The following ROR1 variants were observed in gnomAD, a reference collection of about 807,000 sequenced individuals.
The protein encoded by ROR1 is ROR family WNT receptor 1.
In ROR1, 19 loss-of-function variants were observed where a neutral mutation model predicts 78.8. The observed-to-expected ratio is 0.24, with a 90% CI of 0.17 to 0.35. The LOEUF is 0.35. Among genes scored for constraint, ROR1 ranks in the 10% least tolerant of loss-of-function variants. ROR1 has a pLI of 1.00. For missense variants in ROR1, 917 were observed against 1,177.8 expected (o/e 0.78, Z 3.24); for synonymous variants, 386 against 433.6 (o/e 0.89, Z 1.36).
chr1:64,063,545 T>C (rs56027505), intron 4 of ROR1, among the ~76,000 whole-genome samples: 23,614 of 152,150 alleles, frequency 0.16, 2,751 homozygotes, highest in African/African-American at 0.33. Context: ...GACAATTTTA[T>C]CTAATTGCTC....
chr1:64,085,969 A>T lies in ROR1; in HGVS notation c.482+35253A>T, dbSNP rs572768990. On this transcript the variant is annotated intron_variant, in intron 4 of 8. Transcript: ENST00000371079. ...CGTTGGTTATCATGGCGGGAAAGAA[A>T]AACAGCCATCCATCCCTTATTCCCT... Among the ~76,000 whole-genome samples the T allele has an allele frequency of 3.3e-5, 5 of 152,184 alleles. No individual in the cohort carries two copies. The South Asian group carries it at 1.0e-3, about 32-fold the overall frequency.
chr1:64,142,850 A>G (rs970645178), intron 7 of ROR1, 200 bp downstream of exon 7: 72 of 1,407,978 alleles, frequency 5.1e-5, no homozygotes, highest in African/African-American at 3.5e-4. Context: ...CAAGAAGTCA[A>G]CTGCCTTTAT....
chr1:63,886,159 G>C (rs1645355747), intron 1 of ROR1, among the ~76,000 whole-genome samples: 1 of 152,172 alleles, frequency 6.6e-6, no homozygotes, highest in African/African-American at 2.4e-5. Flanking sequence ...TGGCTGATCT[G>C]ACAGGAAGTG....
In ROR1 at chr1:64,063,628, G is replaced by GTC. The variant is rs61262636; in HGVS notation, c.482+12927_482+12928dup. Among the ~76,000 whole-genome samples the GTC allele has an allele frequency of 2.7e-4, 41 of 150,520 alleles. 1 individual carries two copies. The East Asian group carries it at 4.1e-3, about 15-fold the overall frequency. On this transcript the variant is annotated intron_variant, in intron 4 of 8. Transcript: ENST00000371079. The stretch of plus-strand genomic sequence containing the variant: ...CTGTCCTCTCTATGTCTCTTTCTCT[G>GTC]TCTCTCTCTCTCTCTCCCATACACA...
chr1:63,998,661 G>A (rs924640009), intron 1 of ROR1, among the ~76,000 whole-genome samples: 7 of 152,152 alleles, frequency 4.6e-5, no homozygotes, highest in South Asian at 2.1e-4. Context: ...AGTTTAGAAC[G>A]TCTTAGACAA....
At chr1:64,034,408 C>T (rs1264088720) in intron 2 of ROR1, among the ~76,000 whole-genome samples, 1 of 152,078 alleles carries the variant, frequency 6.6e-6, no homozygotes, top group African/African-American at 2.4e-5. Context: ...TTGAATGTCT[C>T]ATTTGTGAAT....
chr1:64,118,067 A>T (rs993842255), intron 4 of ROR1, among the ~76,000 whole-genome samples: 3 of 152,048 alleles, frequency 2.0e-5, no homozygotes, highest in Non-Finnish European at 4.4e-5. Context: ...TGCTGGGTTT[A>T]GTGGTGGCAC....
intron 4 of ROR1, among the ~76,000 whole-genome samples, chr1:64,128,181 A>G (rs1648780338): frequency 6.8e-6 from 1 of 147,818 alleles, no homozygotes; most frequent in Admixed American, 6.9e-5. Flanking sequence ...GAGGCCAGGT[A>G]TGGTGGCTCA....
At chr1:63,821,695 G>A (rs1008141954) in intron 1 of ROR1, among the ~76,000 whole-genome samples, 1 of 152,160 alleles carries the variant, frequency 6.6e-6, no homozygotes, top group African/African-American at 2.4e-5. Context: ...AAGAAGCAGC[G>A]TTTGCAGTTA....
chr1:64,132,675 G>A (rs1489269562), intron 4 of ROR1, among the ~76,000 whole-genome samples: 2 of 145,110 alleles, frequency 1.4e-5, no homozygotes, highest in Non-Finnish European at 3.0e-5. Flanking sequence ...AAGGAGAATC[G>A]CTTGAACCCA....
intron 1 of ROR1, among the ~76,000 whole-genome samples, chr1:63,812,182 G>A (rs144335770): frequency 0.015 from 2,313 of 152,198 alleles, 53 homozygotes; most frequent in African/African-American, 0.053. Context: ...GGCTGGTCTC[G>A]AACTCCTGAC....
At chr1:63,847,546 G>T (rs940409817) in intron 1 of ROR1, among the ~76,000 whole-genome samples, 3 of 152,192 alleles carry the variant, frequency 2.0e-5, no homozygotes, top group Admixed American at 6.5e-5. Context: ...GGCAGAGGAC[G>T]TGGATGGTGC....
chr1:64,091,985 T>G lies in ROR1; in HGVS notation c.482+41269T>G, dbSNP rs1470709234. On this transcript the variant is annotated intron_variant, in intron 4 of 8. Transcript: ENST00000371079. ...ATTTTATTCAGTGAACAAATAGCCA[T>G]TTTGATATCATTTCTTCTCCCCTTT... Among the ~76,000 whole-genome samples, 8 of 152,236 alleles carry G rather than the reference T, an allele frequency of 5.3e-5. No individual in the cohort carries two copies. In the East Asian group the frequency reaches 1.5e-3, roughly 29 times the overall value.
At chr1:64,153,393 C>T (rs1016216151) in intron 7 of ROR1, among the ~76,000 whole-genome samples, 4 of 138,932 alleles carry the variant, frequency 2.9e-5, no homozygotes, top group Non-Finnish European at 4.8e-5. Flanking sequence ...GCAGCAATCC[C>T]ATTTCTGAGT....
intron 1 of ROR1, among the ~76,000 whole-genome samples, chr1:63,816,625 C>T (rs1644893617): frequency 6.6e-6 from 1 of 152,140 alleles, no homozygotes; most frequent in Admixed American, 6.5e-5. Flanking sequence ...ATGAGTTTCA[C>T]CAGCATGGGT....
chr1:64,026,489 G>C (rs537464512), intron 2 of ROR1, among the ~76,000 whole-genome samples: 29 of 152,152 alleles, frequency 1.9e-4, no homozygotes, highest in Non-Finnish European at 4.0e-4. Flanking sequence ...TGTGTATGCT[G>C]TATTCAAAGC....
chr1:63,903,368 C>G (rs1370016129), intron 1 of ROR1, among the ~76,000 whole-genome samples: 2 of 151,820 alleles, frequency 1.3e-5, no homozygotes, highest in East Asian at 3.9e-4. Flanking sequence ...CTTCCACTCC[C>G]ACTTGATGAT....
intron 1 of ROR1, among the ~76,000 whole-genome samples, chr1:63,962,847 C>T (rs918811884): frequency 6.6e-6 from 1 of 152,004 alleles, no homozygotes; most frequent in Non-Finnish European, 1.5e-5. Flanking sequence ...AGCAGGAGGC[C>T]GACTGGTAAC....
At chr1:63,850,111 A>C (rs1424008793) in intron 1 of ROR1, among the ~76,000 whole-genome samples, 1 of 152,218 alleles carries the variant, frequency 6.6e-6, no homozygotes, top group East Asian at 1.9e-4. Context: ...CTATTTTAAA[A>C]TTGTGTATAA....
Sources: allele counts gnomAD v4.1 joint callset (sites outside exome capture counted in the v4.1 genomes callset), GRCh38; gene constraint gnomAD v4.1.1; transcripts MANE v1.5; gene names NCBI Gene and HGNC (gene_info 2026-07-23, HGNC 2026-07-21).